Variants in SSBP3 observed in about 807,000 individuals in gnomAD.
SSBP3 encodes single-stranded DNA-binding protein 3.
A neutral mutation model predicts 69.6 loss-of-function variants in SSBP3; 5 were observed. That is an observed-to-expected ratio of 0.07 (90% CI 0.04 to 0.15). SSBP3 has a LOEUF of 0.15. Ranked by LOEUF, SSBP3 falls within the 10% of genes least tolerant of loss-of-function variation. The pLI is 1.00. For synonymous variants in SSBP3, 196 were observed against 193.4 expected (o/e 1.01, Z -0.11); for missense variants, 312 against 534.0 (o/e 0.58, Z 4.10).
chr1:54,237,849 C>A (rs981123913), intron 14 of SSBP3: 8 of 321,410 alleles, frequency 2.5e-5, no homozygotes, highest in African/African-American at 1.7e-4. Flanking sequence ...GGAGTTGCAG[C>A]CTGAGTGATG....
At chr1:54,283,017 G>A (rs1413188057) in intron 4 of SSBP3, among the ~76,000 whole-genome samples, 6 of 152,126 alleles carry the variant, frequency 3.9e-5, no homozygotes, top group Non-Finnish European at 7.4e-5. Flanking sequence ...CTGTAACCCC[G>A]ACACTTTGGG....
intron 7 of SSBP3, among the ~76,000 whole-genome samples, chr1:54,256,074 T>TCTCAAAAAAA (rs1644915788): frequency 7.0e-6 from 1 of 141,960 alleles, no homozygotes; most frequent in Non-Finnish European, 1.5e-5. Flanking sequence ...AGACTCCGGT[T>TCTCAAAAAAA]AAAAAAAAAA....
chr1:54,313,152 G>A (rs1646034943), intron 4 of SSBP3, among the ~76,000 whole-genome samples: 1 of 151,904 alleles, frequency 6.6e-6, no homozygotes, highest in Admixed American at 6.6e-5. Flanking sequence ...CAAGACAATG[G>A]GTGTACAACG....
At chr1:54,357,518 C>T (rs1213027161) in intron 4 of SSBP3, among the ~76,000 whole-genome samples, 1 of 152,216 alleles carries the variant, frequency 6.6e-6, no homozygotes. Flanking sequence ...GCCACCTCAT[C>T]CTCCTGCTCC....
At chr1:54,338,600 T>C (rs1410891794) in intron 4 of SSBP3, among the ~76,000 whole-genome samples, 1 of 152,156 alleles carries the variant, frequency 6.6e-6, no homozygotes, top group African/African-American at 2.4e-5. Context: ...GCAATATATA[T>C]ACTAAAGGGT....
intron 4 of SSBP3, among the ~76,000 whole-genome samples, chr1:54,294,165 AAGAAAGAAAGAAAGAAAG>A (rs1645661559): frequency 2.7e-5 from 2 of 74,664 alleles, no homozygotes; most frequent in East Asian, 4.6e-4. Context: ...AAAAAAAAGA[AAGAAAGAAAGAAAGAAAG>A]AAAGAAAGAA....
At chr1:54,394,432 T>C (rs1263070106) in intron 4 of SSBP3, among the ~76,000 whole-genome samples, 1 of 147,732 alleles carries the variant, frequency 6.8e-6, no homozygotes, top group Non-Finnish European at 1.5e-5. Flanking sequence ...AAAAACAAGA[T>C]CATTCCACAC....
intron 3 of SSBP3, 61 bp from the exon 4 acceptor site, chr1:54,402,006 A>G: frequency 6.9e-7 from 1 of 1,446,306 alleles, no homozygotes; most frequent in Non-Finnish European, 9.7e-7. Context: ...ACACAAGGGC[A>G]AGTGCACGAT....
intron 4 of SSBP3, among the ~76,000 whole-genome samples, chr1:54,370,718 A>T (rs1166988956): frequency 6.6e-6 from 1 of 152,130 alleles, no homozygotes; most frequent in Non-Finnish European, 1.5e-5. Context: ...GGGGATTATT[A>T]TATGTAAGGG....
chr1:54,297,853 G>A (rs1253663353), intron 4 of SSBP3, among the ~76,000 whole-genome samples: 1 of 152,190 alleles, frequency 6.6e-6, no homozygotes, highest in Admixed American at 6.5e-5. Flanking sequence ...AAATCATGTA[G>A]TGAGCTTTGC....
chr1:54,270,026 T>A (rs1645166542), intron 5 of SSBP3, among the ~76,000 whole-genome samples: 1 of 152,212 alleles, frequency 6.6e-6, no homozygotes. Flanking sequence ...GGCTTATGAA[T>A]GTATGCTGAA....
At chr1:54,356,214 G>A (rs550556901) in intron 4 of SSBP3, among the ~76,000 whole-genome samples, 10 of 152,266 alleles carry the variant, frequency 6.6e-5, no homozygotes, top group Non-Finnish European at 1.2e-4. Context: ...CCCAAATCCC[G>A]GGGAGCTGGC....
chr1:54,393,560 C>A (rs1648648677), intron 4 of SSBP3, among the ~76,000 whole-genome samples: 1 of 152,182 alleles, frequency 6.6e-6, no homozygotes, highest in Non-Finnish European at 1.5e-5. Context: ...GAGGCCCTGA[C>A]AGTAGAATCC....
intron 14 of SSBP3, chr1:54,238,326 ACT>A (rs1644536979): frequency 2.1e-6 from 1 of 470,854 alleles, no homozygotes; most frequent in African/African-American, 2.0e-5. Flanking sequence ...CCCCAGGCCC[ACT>A]CTCTGGCTCT....
chr1:54,285,284 T>C (rs1645467669), intron 4 of SSBP3: 1 of 151,206 alleles, frequency 6.6e-6, no homozygotes, highest in African/African-American at 2.4e-5. Context: ...AGTTAAGAGG[T>C]TGGGAAAGGC....
intron 4 of SSBP3, among the ~76,000 whole-genome samples, chr1:54,398,548 T>C (rs967624073): frequency 1.8e-4 from 27 of 152,134 alleles, no homozygotes; most frequent in African/African-American, 6.0e-4. Flanking sequence ...TTAGAGACAC[T>C]CATGCAGCTG....
chr1:54,390,384 C>T (rs1648398154), intron 4 of SSBP3, among the ~76,000 whole-genome samples: 1 of 152,114 alleles, frequency 6.6e-6, no homozygotes, highest in East Asian at 1.9e-4. Flanking sequence ...TGATTTCCTC[C>T]TAGTCTCTTC....
chr1:54,257,387 G>T, intron 6 of SSBP3: 1 of 519,988 alleles, frequency 1.9e-6, no homozygotes, highest in Non-Finnish European at 3.3e-6. Context: ...TGTGTCTCTT[G>T]ACTCCACATT....
intron 5 of SSBP3, among the ~76,000 whole-genome samples, chr1:54,278,747 G>A (rs1265140132): frequency 6.6e-6 from 1 of 152,218 alleles, no homozygotes; most frequent in Non-Finnish European, 1.5e-5. Flanking sequence ...CGACTCCCTG[G>A]TGCAAAGCCT....
Sources: gnomAD v4.1 joint callset for allele counts (sites outside exome capture counted in the v4.1 genomes callset) on GRCh38, gnomAD v4.1.1 for gene constraint, MANE v1.5 for transcripts, NCBI Gene and HGNC (gene_info 2026-07-23, HGNC 2026-07-21) for gene names.